The following PINX1 variants were observed in gnomAD, a reference collection of about 807,000 sequenced individuals.
The protein encoded by PINX1 is PIN2/TERF1-interacting telomerase inhibitor 1.
PINX1 carries 34 observed loss-of-function variants against 25.4 expected under a neutral mutation model. The observed-to-expected ratio is 1.34, with a 90% CI of 1.02 to 1.78. PINX1 has a LOEUF of 1.78. Among genes scored for constraint, PINX1 ranks in the 40% most tolerant of loss-of-function variants. The probability of loss-of-function intolerance (pLI) is 0.00; values close to 1 mark genes in which losing one functional copy is unlikely to be tolerated. For synonymous variants in PINX1, 197 were observed against 147.7 expected, an observed-to-expected ratio of 1.33 and a Z score of -2.42; for missense variants, 592 against 404.9, an observed-to-expected ratio of 1.46 and a Z score of -3.97.
Position 10,834,732 on chromosome 8 carries a change from G to C in PINX1, c.63C>G (p.Ala21=), listed in dbSNP as rs1052523. 1.9e-6 allele frequency: 3 copies of C among 1,613,640 alleles called. No individual in the cohort carries two copies. In the African/African-American group the frequency reaches 4.0e-5, roughly 22 times the overall value. The part of the protein sequence containing the change: ...QKWAVDPQNT[A]WSNDDSKFGQ... ...CAAACTTGGAATCGTCATTACTCCA[G>C]GCAGTGTTCTGAGGATCCACAGCCC... is the stretch of plus-strand genomic sequence containing the variant. The change falls in exon 2 of 7, where the codon GCC becomes GCG. Residue 21 remains alanine (A), a synonymous_variant. Coordinates refer to ENST00000314787, the MANE Select transcript of PINX1 (RefSeq NM_017884.6).
chr8:10,830,379 T>C (rs1302453791), intron 4 of PINX1, among the ~76,000 whole-genome samples: 2 of 152,206 alleles, frequency 1.3e-5, no homozygotes, highest in African/African-American at 2.4e-5. Context: ...TGTGCTGTGA[T>C]TTTACCAGGT....
chr8:10,815,339 ATTG>A (rs1303347802), intron 6 of PINX1, among the ~76,000 whole-genome samples: 3 of 152,184 alleles, frequency 2.0e-5, no homozygotes, highest in African/African-American at 4.8e-5. Flanking sequence ...TTTAGCTTGG[ATTG>A]TTGTTTCGCT....
At chr8:10,821,682 T>A (rs1450822842) in intron 5 of PINX1, among the ~76,000 whole-genome samples, 2 of 152,216 alleles carry the variant, frequency 1.3e-5, no homozygotes, top group African/African-American at 4.8e-5. Context: ...CTCACAGCTT[T>A]GCTGCCAGCA....
chr8:10,810,671 T>A (rs1057503235), intron 6 of PINX1, among the ~76,000 whole-genome samples: 1 of 152,222 alleles, frequency 6.6e-6, no homozygotes, highest in African/African-American at 2.4e-5. Flanking sequence ...CTACCGAGCA[T>A]GTCAGCAGGT....
chr8:10,823,489 A>G (rs747642645), intron 5 of PINX1, among the ~76,000 whole-genome samples: 1 of 152,110 alleles, frequency 6.6e-6, no homozygotes, highest in Non-Finnish European at 1.5e-5. Context: ...CTGCAGATAT[A>G]GCCTCTATCT....
At chr8:10,783,085 T>C (rs572778993) in intron 6 of PINX1, among the ~76,000 whole-genome samples, 1 of 152,296 alleles carries the variant, frequency 6.6e-6, no homozygotes, top group Non-Finnish European at 1.5e-5. Context: ...TTAAAAGATA[T>C]ATCAACCAAT....
At chr8:10,781,769 C>T (rs961022149) in intron 6 of PINX1, among the ~76,000 whole-genome samples, 18 of 150,684 alleles carry the variant, frequency 1.2e-4, no homozygotes, top group Non-Finnish European at 2.4e-4. Flanking sequence ...CAAAGAAAAA[C>T]AGTGTGGAGG....
chr8:10,785,806 C>T (rs192473838), intron 6 of PINX1, among the ~76,000 whole-genome samples: 70 of 152,312 alleles, frequency 4.6e-4, no homozygotes, highest in Admixed American at 4.6e-3. Flanking sequence ...TACAGGACCC[C>T]ACTCCATGTA....
intron 1 of PINX1, among the ~76,000 whole-genome samples, chr8:10,838,774 T>C (rs1195517061): frequency 2.0e-5 from 3 of 152,224 alleles, no homozygotes; most frequent in African/African-American, 7.2e-5. Flanking sequence ...GATACAGAGA[T>C]AACTGGATCA....
At chr8:10,809,764 C>A (rs1188508621) in intron 6 of PINX1, among the ~76,000 whole-genome samples, 1 of 152,250 alleles carries the variant, frequency 6.6e-6, no homozygotes, top group Admixed American at 6.5e-5. Flanking sequence ...CTCGTCTTTG[C>A]TATGCAATCA....
chr8:10,791,855 G>A (rs1422127826), intron 6 of PINX1, among the ~76,000 whole-genome samples: 1 of 152,218 alleles, frequency 6.6e-6, no homozygotes, highest in East Asian at 1.9e-4. Flanking sequence ...TTCCTGCCTG[G>A]GAGCGGGGAG....
chr8:10,766,966 G>C (rs1038077912), intron 6 of PINX1, among the ~76,000 whole-genome samples: 4 of 152,146 alleles, frequency 2.6e-5, no homozygotes, highest in Non-Finnish European at 5.9e-5. Context: ...AATATGCTCG[G>C]AGTCAAATCA....
chr8:10,819,628 C>A (rs930900426), intron 6 of PINX1, among the ~76,000 whole-genome samples: 12 of 152,176 alleles, frequency 7.9e-5, no homozygotes, highest in Admixed American at 2.0e-4. Context: ...GGAGTTCATT[C>A]CATTGAGGGT....
chr8:10,792,695 T>A (rs960377497), intron 6 of PINX1, among the ~76,000 whole-genome samples: 4 of 152,136 alleles, frequency 2.6e-5, no homozygotes, highest in African/African-American at 9.7e-5. Context: ...CATCTTGAGA[T>A]TAAATGGTTG....
chr8:10,772,761 T>C (rs561986952), intron 6 of PINX1, among the ~76,000 whole-genome samples: 4 of 152,322 alleles, frequency 2.6e-5, no homozygotes, highest in African/African-American at 9.6e-5. Context: ...AGAATGAGAA[T>C]TATGCAGCAA....
At chr8:10,822,687 A>G (rs1318030813) in intron 5 of PINX1, among the ~76,000 whole-genome samples, 1 of 152,212 alleles carries the variant, frequency 6.6e-6, no homozygotes, top group Non-Finnish European at 1.5e-5. Flanking sequence ...GGAGGCAACT[A>G]AAACTTTCAT....
At position 10,792,989 on chromosome 8, in the gene PINX1, G is replaced by A. The variant is rs538228863; in HGVS notation, c.472-27073C>T. On this transcript the variant is annotated intron_variant, in intron 6 of 6. Transcript: ENST00000314787. ...CAGCCCTTGTCCAGACTGTCTTGTT[G>A]CCACTTCCATGGATTTGCTAGATCC... Among the ~76,000 whole-genome samples the A allele has an allele frequency of 1.2e-3, 186 of 152,244 alleles. 3 individuals carry two copies. In the South Asian group the frequency reaches 0.034, roughly 28 times the overall value.
intron 6 of PINX1, among the ~76,000 whole-genome samples, chr8:10,812,037 T>C (rs1797539452): frequency 6.6e-6 from 1 of 152,178 alleles, no homozygotes; most frequent in South Asian, 2.1e-4. Context: ...TATAGATAAC[T>C]GAGTTTACAG....
At chr8:10,795,486 C>T (rs1440950432) in intron 6 of PINX1, among the ~76,000 whole-genome samples, 7 of 152,310 alleles carry the variant, frequency 4.6e-5, no homozygotes, top group African/African-American at 4.8e-5. Flanking sequence ...GTGCAATCTC[C>T]GCCTCCCGGA....
Sources: gnomAD v4.1 joint callset for allele counts (sites outside exome capture counted in the v4.1 genomes callset) on GRCh38, gnomAD v4.1.1 for gene constraint, MANE v1.5 for transcripts, NCBI Gene and HGNC (gene_info 2026-07-23, HGNC 2026-07-21) for gene names.